The following DLGAP2 variants were observed in gnomAD, a reference collection of about 807,000 sequenced individuals.
DLGAP2 encodes the protein DLG associated protein 2.
In DLGAP2, 26 loss-of-function variants were observed where a neutral mutation model predicts 100.3. That is an observed-to-expected ratio of 0.26 (90% CI 0.19 to 0.36). The LOEUF (loss-of-function observed/expected upper bound fraction) is 0.36, where lower values mean the gene tolerates loss of function less well. Among genes scored for constraint, DLGAP2 ranks in the 10% least tolerant of loss-of-function variants. DLGAP2 has a pLI of 1.00. For missense variants in DLGAP2, 1,858 were observed against 1,453.2 expected, an observed-to-expected ratio of 1.28 and a Z score of -4.53; for synonymous variants, 886 against 630.1, an observed-to-expected ratio of 1.41 and a Z score of -6.08.
intron 2 of DLGAP2, among the ~76,000 whole-genome samples, chr8:909,163 G>A (rs888880978): frequency 6.6e-6 from 1 of 152,166 alleles, no homozygotes; most frequent in African/African-American, 2.4e-5. Flanking sequence ...ACGAGTTTGA[G>A]CATATCTGCT....
intron 2 of DLGAP2, among the ~76,000 whole-genome samples, chr8:1,186,871 C>G (rs955331389): frequency 3.9e-5 from 6 of 152,156 alleles, no homozygotes; most frequent in Admixed American, 6.5e-5. Flanking sequence ...CACATGCCCC[C>G]ACGTCTGCCC....
intron 8 of DLGAP2, among the ~76,000 whole-genome samples, chr8:1,649,919 G>A (rs576657911): frequency 1.8e-4 from 27 of 152,286 alleles, no homozygotes; most frequent in African/African-American, 6.0e-4. Flanking sequence ...GTTACCATGA[G>A]TACAAGGAAG....
chr8:1,413,037 C>A (rs1232711405), intron 3 of DLGAP2, among the ~76,000 whole-genome samples: 1 of 152,296 alleles, frequency 6.6e-6, no homozygotes, highest in African/African-American at 2.4e-5. Flanking sequence ...AGTGTCCCCT[C>A]CTCTGTGAAG....
intron 2 of DLGAP2, among the ~76,000 whole-genome samples, chr8:1,013,232 T>C (rs1053800838): frequency 3.3e-5 from 5 of 152,236 alleles, no homozygotes; most frequent in African/African-American, 1.2e-4. Flanking sequence ...AACTACGTTA[T>C]TGGTGTGAAA....
intron 4 of DLGAP2, 58 bp from the exon 5 acceptor site, chr8:1,548,568 C>G (rs1281754911): frequency 2.1e-6 from 3 of 1,419,500 alleles, no homozygotes; most frequent in Non-Finnish European, 2.8e-6. Context: ...ATATTCCCCG[C>G]ACCTGAGGGT....
At chr8:1,409,062 C>A (rs979827904) in intron 3 of DLGAP2, among the ~76,000 whole-genome samples, 2 of 152,212 alleles carry the variant, frequency 1.3e-5, no homozygotes, top group African/African-American at 2.4e-5. Context: ...TGCCCAACCC[C>A]TTCCTCACTG....
intron 3 of DLGAP2, among the ~76,000 whole-genome samples, chr8:1,367,986 C>T (rs1005992549): frequency 6.6e-6 from 1 of 152,218 alleles, no homozygotes; most frequent in African/African-American, 2.4e-5. Context: ...GGATTCACCT[C>T]CCTCCTCAGT....
intron 3 of DLGAP2, among the ~76,000 whole-genome samples, chr8:1,449,933 G>GTGACTGT (rs1798099828): frequency 2.1e-5 from 2 of 96,086 alleles, no homozygotes; most frequent in Non-Finnish European, 2.2e-5. Context: ...CTCGGTGGCT[G>GTGACTGT]AGGCGGAGCT....
At chr8:1,224,357 C>G (rs1226944453) in intron 2 of DLGAP2, among the ~76,000 whole-genome samples, 2 of 152,156 alleles carry the variant, frequency 1.3e-5, no homozygotes, top group East Asian at 3.9e-4. Flanking sequence ...TGTCATATCC[C>G]AAGCACCAAG....
At chr8:1,649,411 T>C (rs1798114446) in intron 8 of DLGAP2, among the ~76,000 whole-genome samples, 1 of 152,232 alleles carries the variant, frequency 6.6e-6, no homozygotes, top group South Asian at 2.1e-4. Context: ...GGTGTTGGGG[T>C]AAACAGAATT....
intron 3 of DLGAP2, among the ~76,000 whole-genome samples, chr8:1,441,699 A>T (rs1209639930): frequency 6.6e-6 from 1 of 151,600 alleles, no homozygotes; most frequent in Non-Finnish European, 1.5e-5. Flanking sequence ...AAAAAAAAAA[A>T]AAAGTAAAAC....
chr8:1,492,821 C>T (rs112860651), intron 3 of DLGAP2, among the ~76,000 whole-genome samples: 110 of 152,322 alleles, frequency 7.2e-4, no homozygotes, highest in African/African-American at 2.5e-3. Context: ...GGGCTGTGTA[C>T]GACCACGGAG....
intron 8 of DLGAP2, among the ~76,000 whole-genome samples, chr8:1,647,796 G>C (rs2472091): frequency 6.6e-6 from 1 of 152,160 alleles, no homozygotes; most frequent in South Asian, 2.1e-4. Context: ...ATGAACCCCA[G>C]AGATTTATCT....
intron 11 of DLGAP2, 115 bp downstream of exon 11, chr8:1,676,733 A>G (rs1798819881): frequency 2.0e-6 from 2 of 1,014,190 alleles, no homozygotes; most frequent in Non-Finnish European, 3.0e-6. Flanking sequence ...TTGTGGAAAC[A>G]GGGCCATACG....
intron 3 of DLGAP2, among the ~76,000 whole-genome samples, chr8:1,317,899 C>T (rs1469805196): frequency 1.5e-5 from 2 of 133,260 alleles, no homozygotes; most frequent in African/African-American, 5.9e-5. Context: ...AGCGTCTCTC[C>T]AACAGTGGTC....
chr8:1,433,266 C>A (rs1460603625), intron 3 of DLGAP2, among the ~76,000 whole-genome samples: 2 of 152,168 alleles, frequency 1.3e-5, no homozygotes, highest in African/African-American at 4.8e-5. Flanking sequence ...CAGAACCCAT[C>A]CAGCTCTCTG....
At chr8:1,027,698 T>C (rs1474388279) in intron 2 of DLGAP2, among the ~76,000 whole-genome samples, 2 of 144,350 alleles carry the variant, frequency 1.4e-5, no homozygotes, top group Non-Finnish European at 3.0e-5. Context: ...CCCGTTATTC[T>C]CCAGGTGGGG....
At chr8:804,160 G>A (rs751791852) in intron 1 of DLGAP2, among the ~76,000 whole-genome samples, 3 of 151,942 alleles carry the variant, frequency 2.0e-5, no homozygotes, top group Non-Finnish European at 4.4e-5. Flanking sequence ...AAAACCAGAG[G>A]GAGAATCATA....
intron 2 of DLGAP2, among the ~76,000 whole-genome samples, chr8:1,254,877 T>C (rs1799136809): frequency 6.6e-6 from 1 of 151,704 alleles, no homozygotes; most frequent in Non-Finnish European, 1.5e-5. Flanking sequence ...TCATCCTGCC[T>C]CTCCTGCCCG....
Sources: allele counts gnomAD v4.1 joint callset (sites outside exome capture counted in the v4.1 genomes callset), GRCh38; gene constraint gnomAD v4.1.1; transcripts MANE v1.5; gene names NCBI Gene and HGNC (gene_info 2026-07-23, HGNC 2026-07-21).